Variants in MRPL22 observed in about 807,000 individuals in gnomAD.
MRPL22 encodes mitochondrial ribosomal protein L22.
Under a neutral mutation model 32.4 loss-of-function variants are expected in MRPL22, and 27 were observed. The observed-to-expected ratio is 0.83, with a 90% CI of 0.61 to 1.15. MRPL22 has a LOEUF of 1.15. Among genes scored for constraint, MRPL22 ranks in the 50% most tolerant of loss-of-function variants. MRPL22 has a pLI of 0.00. For synonymous variants in MRPL22, 86 were observed against 87.3 expected (o/e 0.99, Z 0.08); for missense variants, 239 against 260.2 (o/e 0.92, Z 0.56).
At chr5:154,962,750 C>A (rs1287567418) in intron 6 of MRPL22, among the ~76,000 whole-genome samples, 1 of 152,138 alleles carries the variant, frequency 6.6e-6, no homozygotes, top group East Asian at 1.9e-4. Flanking sequence ...TAAAATGTCT[C>A]TGCTTAGTGA....
rs1289520211 is a variant in MRPL22 at position 154,957,199 on chromosome 5, A to G, written c.326A>G (p.Lys109Arg). The G allele has an allele frequency of 3.1e-6, 5 of 1,613,096 alleles. No individual in the cohort carries two copies. In the African/African-American group the frequency reaches 4.0e-5, roughly 13 times the overall value. The part of the protein sequence containing the change: ...QLEFNDKKGA[K>R]IIKEVLLEAQ... ...GAATTCAATGACAAAAAAGGGGCCA[A>G]AATAATTAAAGAGGTAAACTTACAA... is the stretch of plus-strand genomic sequence containing the variant. The change falls in exon 5 of 7, where the codon AAA becomes AGA. Residue 109 changes from lysine (K) to arginine (R), a missense_variant. Coordinates refer to ENST00000523037, the MANE Select transcript of MRPL22 (RefSeq NM_014180.4).
intron 6 of MRPL22, among the ~76,000 whole-genome samples, chr5:154,962,819 A>G (rs1398180152): frequency 6.6e-6 from 1 of 152,178 alleles, no homozygotes; most frequent in Admixed American, 6.6e-5. Context: ...TTGTACATCA[A>G]TCTTATTGGC....
intron 3 of MRPL22, among the ~76,000 whole-genome samples, chr5:154,953,215 G>A (rs1764585778): frequency 6.6e-6 from 1 of 151,926 alleles, no homozygotes; most frequent in African/African-American, 2.4e-5. Flanking sequence ...AATTAGCCGG[G>A]TGTGGTGGTG....
intron 4 of MRPL22, 95 bp from the exon 5 acceptor site, chr5:154,957,040 G>T: frequency 1.7e-6 from 2 of 1,149,032 alleles, no homozygotes; most frequent in Non-Finnish European, 1.3e-6. Context: ...ACTGTTTTTA[G>T]AAGTTACTCA....
chr5:154,942,412 G>A (rs1295803605), intron 2 of MRPL22, among the ~76,000 whole-genome samples: 1 of 151,938 alleles, frequency 6.6e-6, no homozygotes, highest in Non-Finnish European at 1.5e-5. Flanking sequence ...TAAGTTTTTG[G>A]GTCCGAGGGG....
chr5:154,949,484 T>G (rs1379855648), intron 2 of MRPL22, among the ~76,000 whole-genome samples: 1 of 152,204 alleles, frequency 6.6e-6, no homozygotes, highest in South Asian at 2.1e-4. Flanking sequence ...ATTGGGCAAG[T>G]TGATGGAAGA....
intron 2 of MRPL22, 150 bp from the exon 3 acceptor site, chr5:154,950,671 C>T (rs1582689530): frequency 4.5e-6 from 3 of 666,450 alleles, no homozygotes; most frequent in East Asian, 5.2e-5. Context: ...TAAAAGTAGT[C>T]TCTATTAATG....
chr5:154,949,099 G>A (rs151315285), intron 2 of MRPL22, among the ~76,000 whole-genome samples: 3 of 152,148 alleles, frequency 2.0e-5, no homozygotes, highest in African/African-American at 7.2e-5. Context: ...GGCTCATTTT[G>A]TATGTTATCT....
At chr5:154,948,233 A>T (rs1204366855) in intron 2 of MRPL22, among the ~76,000 whole-genome samples, 1 of 151,640 alleles carries the variant, frequency 6.6e-6, no homozygotes, top group East Asian at 1.9e-4. Context: ...ATTTTGAAAC[A>T]CTCCCCCCAC....
intron 2 of MRPL22, among the ~76,000 whole-genome samples, chr5:154,945,226 A>G (rs1367558188): frequency 6.6e-6 from 1 of 152,084 alleles, no homozygotes; most frequent in East Asian, 1.9e-4. Flanking sequence ...AGGTAAGTGA[A>G]TGGTTGGATT....
At chr5:154,966,527 A>G (rs1469316692) in intron 6 of MRPL22, among the ~76,000 whole-genome samples, 159 bp from the exon 7 acceptor site, 4 of 152,236 alleles carry the variant, frequency 2.6e-5, no homozygotes, top group Non-Finnish European at 4.4e-5. Flanking sequence ...GTCCTTAGTT[A>G]GCATTCAGGA....
At chr5:154,945,444 G>T (rs1764476470) in intron 2 of MRPL22, among the ~76,000 whole-genome samples, 1 of 152,204 alleles carries the variant, frequency 6.6e-6, no homozygotes, top group Admixed American at 6.5e-5. Context: ...GCTGTTGTAA[G>T]CATCCAAGTA....
intron 4 of MRPL22, 89 bp from the exon 5 acceptor site, chr5:154,957,046 A>C: frequency 1.6e-6 from 2 of 1,212,194 alleles, no homozygotes; most frequent in South Asian, 2.8e-5. Flanking sequence ...TTTAGAAGTT[A>C]CTCAAATTAT....
Position 154,941,123 on chromosome 5 carries a change from G to A in MRPL22, c.13G>A (p.Val5Ile), listed in dbSNP as rs1200591188. The change falls in exon 1 of 7, where the codon GTA (valine) becomes ATA (isoleucine). Residue 5 changes from valine to isoleucine, a missense_variant. Physicochemically the swap from Val to Ile is conservative, Grantham distance 29. Coordinates refer to ENST00000523037, the MANE Select transcript of MRPL22 (RefSeq NM_014180.4). The stretch of plus-strand genomic sequence containing the variant: ...GGGAGGGCGAAAGATGGCGGCGGCA[G>A]TACTGGGACAGTTGGGTAAGGATTT... MAAA[V>I]LGQLGALWIH... 2 of 1,614,042 alleles carry A rather than the reference G, an allele frequency of 1.2e-6. No individual in the cohort carries two copies. Among genetic ancestry groups the A allele is most frequent in the Non-Finnish European group, 1.7e-6 (2 of 1,180,036 alleles).
chr5:154,962,462 C>G (rs1764717404), intron 6 of MRPL22, among the ~76,000 whole-genome samples: 1 of 152,148 alleles, frequency 6.6e-6, no homozygotes, highest in African/African-American at 2.4e-5. Context: ...CCATAGACTT[C>G]TGTTAGAGTT....
intron 2 of MRPL22, among the ~76,000 whole-genome samples, chr5:154,947,680 C>A (rs1301852980): frequency 1.3e-5 from 2 of 152,174 alleles, no homozygotes; most frequent in South Asian, 4.1e-4. Flanking sequence ...TGCTAGAATA[C>A]AAAGAAAGTC....
chr5:154,956,603 C>A, intron 4 of MRPL22, 167 bp downstream of exon 4: 1 of 565,498 alleles, frequency 1.8e-6, no homozygotes, highest in Non-Finnish European at 3.1e-6. Flanking sequence ...GTATGATTTT[C>A]CTTAATTTTC....
At chr5:154,965,400 A>C (rs1473685114) in intron 6 of MRPL22, among the ~76,000 whole-genome samples, 2 of 151,950 alleles carry the variant, frequency 1.3e-5, no homozygotes, top group Non-Finnish European at 2.9e-5. Context: ...TTGTGGGTGA[A>C]CAGGTGAACA....
chr5:154,952,846 C>G (rs1255495268), intron 3 of MRPL22, among the ~76,000 whole-genome samples: 1 of 152,142 alleles, frequency 6.6e-6, no homozygotes, highest in Non-Finnish European at 1.5e-5. Context: ...ACCATTCTAC[C>G]TAATTCTGAT....
Sources: allele counts gnomAD v4.1 joint callset (sites outside exome capture counted in the v4.1 genomes callset), GRCh38; gene constraint gnomAD v4.1.1; transcripts MANE v1.5; gene names NCBI Gene and HGNC (gene_info 2026-07-23, HGNC 2026-07-21).